Variants in SCN9A observed in about 807,000 individuals in gnomAD.
The protein encoded by SCN9A is sodium channel protein type 9 subunit alpha.
SCN9A carries 131 observed loss-of-function variants against 187.0 expected under a neutral mutation model. The ratio of observed to expected loss-of-function variants is 0.70; its 90% confidence interval spans 0.61 to 0.81. The LOEUF (loss-of-function observed/expected upper bound fraction) is 0.81. SCN9A is among the 30% of genes least tolerant of loss of function. The pLI is 0.00. For synonymous variants in SCN9A, 809 were observed against 808.6 expected (o/e 1.00, Z -0.01); for missense variants, 2,252 against 2,396.6 (o/e 0.94, Z 1.26).
intron 24 of SCN9A, among the ~76,000 whole-genome samples, chr2:166,206,319 G>A (rs1423356198): frequency 6.6e-6 from 1 of 152,132 alleles, no homozygotes; most frequent in African/African-American, 2.4e-5. Flanking sequence ...ATACACCATG[G>A]AATACTATGC....
chr2:166,311,620 G>C lies in SCN9A; in HGVS notation c.137C>G (p.Ala46Gly), dbSNP rs1698962097. ...KEEKKDDDEE[A>G]PKPSSDLEAG... is the part of the protein sequence containing the mutation. Reference sequence around the variant, plus strand: ...TTCCAAGTCACTGCTTGGCTTTGGGGCTTCTTCATCATCATCTTTCTTTTC... The same window carrying C: ...TTCCAAGTCACTGCTTGGCTTTGGGCCTTCTTCATCATCATCTTTCTTTTC... The change falls in exon 2 of 27, where the codon GCC becomes GGC. Residue 46 changes from alanine to glycine, a missense_variant. Ala to Gly is a moderately conservative substitution (Grantham distance 60). Around this residue, in one of 7 missense-constraint regions of SCN9A, gnomAD observed 1,013 missense variants for 997.4 expected, o/e 1.02. Coordinates refer to ENST00000642356, the MANE Select transcript of SCN9A (RefSeq NM_001365536.1). 1.2e-6 allele frequency: 2 copies of C among 1,613,046 alleles called. No individual in the cohort carries two copies. Among genetic ancestry groups the C allele is most frequent in the Admixed American group, 1.7e-5 (1 of 59,902 alleles).
intron 16 of SCN9A, among the ~76,000 whole-genome samples, chr2:166,276,163 A>C (rs1697224971): frequency 6.6e-6 from 1 of 152,142 alleles, no homozygotes; most frequent in Non-Finnish European, 1.5e-5. Flanking sequence ...GGAAGAAAAA[A>C]AATAAAAAAA....
intron 1 of SCN9A, among the ~76,000 whole-genome samples, chr2:166,367,106 A>G: frequency 6.6e-6 from 1 of 152,270 alleles, no homozygotes; most frequent in Admixed American, 6.5e-5. Context: ...TTTATTTTCC[A>G]AGATATATAA....
chr2:166,200,060 C>T (rs916170182), intron 26 of SCN9A, among the ~76,000 whole-genome samples, 196 bp from the exon 27 acceptor site: 4 of 119,412 alleles, frequency 3.3e-5, no homozygotes, highest in African/African-American at 6.5e-5. Flanking sequence ...TGCAGTGGCG[C>T]GATCTCGGCT....
Position 166,226,568 on chromosome 2 carries a change from T to C in SCN9A, c.4397A>G (p.Lys1466Arg). 2 of 1,543,406 alleles carry C rather than the reference T, an allele frequency of 1.3e-6. No homozygotes were observed. The highest frequency in any genetic ancestry group is 1.8e-6 in the Non-Finnish European group (2 of 1,138,010). Residue 1466 changes from lysine (K) to arginine (R), a missense_variant and splice_region_variant, in exon 24 of 27, where the codon AAG (lysine) becomes AGG (arginine). By Grantham distance (26) the Lys-to-Arg change is conservative (BLOSUM62 2). Around this residue, in one of 7 missense-constraint regions of SCN9A, gnomAD observed 368 missense variants for 408.6 expected, o/e 0.90. Transcript: ENST00000642356. Reference sequence around the variant, plus strand: ...ATGAAAAATATTTGAAATACTTATCTTCTTTTTCTGTTGGTTGAAATTATC... The same window carrying C: ...ATGAAAAATATTTGAAATACTTATCCTCTTTTTCTGTTGGTTGAAATTATC... ...IIDNFNQQKK[K>R]LGGQDIFMTE...
At chr2:166,349,406 T>C (rs1699979608) in intron 1 of SCN9A, among the ~76,000 whole-genome samples, 1 of 152,244 alleles carries the variant, frequency 6.6e-6, no homozygotes, top group Admixed American at 6.5e-5. Context: ...TGTAATGAGT[T>C]CTTTTTACTG....
intron 1 of SCN9A, among the ~76,000 whole-genome samples, chr2:166,346,303 T>C (rs182806094): frequency 3.9e-5 from 6 of 152,200 alleles, no homozygotes; most frequent in African/African-American, 1.4e-4. Flanking sequence ...ATAGCAAAGA[T>C]CATAGTATTA....
intron 18 of SCN9A, among the ~76,000 whole-genome samples, chr2:166,249,847 C>A (rs528578493): frequency 6.6e-6 from 1 of 152,086 alleles, no homozygotes; most frequent in Non-Finnish European, 1.5e-5. Context: ...TTCTAGTTAT[C>A]CTAGAATTTT....
At chr2:166,366,943 G>T (rs1001318945) in intron 1 of SCN9A, among the ~76,000 whole-genome samples, 1 of 152,082 alleles carries the variant, frequency 6.6e-6, no homozygotes, top group Non-Finnish European at 1.5e-5. Flanking sequence ...ACCCTTAAAA[G>T]TCAACTTCTT....
chr2:166,353,170 C>G (rs1426885385), intron 1 of SCN9A, among the ~76,000 whole-genome samples: 1 of 145,324 alleles, frequency 6.9e-6, no homozygotes, highest in African/African-American at 2.6e-5. Context: ...GCCTGACCAA[C>G]ATGATGAAAC....
chr2:166,370,272 G>A (rs971566938), intron 1 of SCN9A, among the ~76,000 whole-genome samples: 3 of 144,866 alleles, frequency 2.1e-5, no homozygotes, highest in African/African-American at 7.9e-5. Context: ...GGCTGAGCGC[G>A]GTGGCTCATG....
intron 7 of SCN9A, among the ~76,000 whole-genome samples, chr2:166,295,392 T>C (rs981965178): frequency 1.3e-5 from 2 of 152,202 alleles, no homozygotes; most frequent in African/African-American, 4.8e-5. Flanking sequence ...CGTTTCGTCC[T>C]TGTGCAAACA....
At position 166,375,117 on chromosome 2, in the gene SCN9A, T is replaced by C. The variant is rs146642805; in HGVS notation, c.-51+580A>G. ...ATTCTGCATCTTTTCTGAATTTCAC[T>C]ATAAAGTGCTTATTCGAAAAAATAA... is the stretch of plus-strand genomic sequence containing the variant. On this transcript the variant is annotated intron_variant, in intron 1 of 26. Transcript: ENST00000642356. 3.2e-3 allele frequency among the ~76,000 whole-genome samples: 489 copies of C among 152,336 alleles called. 5 individuals carry two copies. Among genetic ancestry groups the C allele is most frequent in the African/African-American group, 0.011 (467 of 41,566 alleles).
chr2:166,276,489 A>T (rs566343335), intron 16 of SCN9A: 1 of 152,240 alleles, frequency 6.6e-6, no homozygotes, highest in African/African-American at 2.4e-5. Flanking sequence ...AAATGTAAAA[A>T]TCATTCTTAG....
chr2:166,281,921 G>T, intron 12 of SCN9A, 113 bp from the exon 13 acceptor site: 1 of 946,992 alleles, frequency 1.1e-6, no homozygotes, highest in Non-Finnish European at 1.5e-6. Context: ...AGCCTAGATT[G>T]CTGGGTTCAA....
chr2:166,198,873 T>C lies in SCN9A; in HGVS notation c.5766A>G (p.Arg1922=), dbSNP rs371656473. 1 of 1,613,826 alleles carries C rather than the reference T, an allele frequency of 6.2e-7. No individual in the cohort carries two copies. The highest frequency in any genetic ancestry group is 1.3e-5 in the African/African-American group (1 of 75,050). ...CTTTTTTATTGAGTAAATCATCATC[T>C]CTGTCTCCATCTTTTATGTATATAC... The part of the protein sequence containing the change: ...ISSIYIKDGD[R]DDDLLNKKDM... The change falls in exon 27 of 27, where the codon AGA becomes AGG. Residue 1922 remains arginine (R), a synonymous_variant. Transcript: ENST00000642356.
chr2:166,294,075 T>C (rs1311842090), intron 8 of SCN9A, among the ~76,000 whole-genome samples: 3 of 152,064 alleles, frequency 2.0e-5, no homozygotes, highest in African/African-American at 2.4e-5. Flanking sequence ...ATGAAGTTGG[T>C]GTAAGAGAGA....
chr2:166,280,932 A>G lies in SCN9A; in HGVS notation c.2105-337T>C, dbSNP rs912079716. On this transcript the variant is annotated intron_variant, in intron 13 of 26. Transcript: ENST00000642356. ...AAATGTATGTTTTCCACCAATATGC[A>G]TATTTTTCACCTGTGTTTTTAGTCC... Among the ~76,000 whole-genome samples the G allele has an allele frequency of 3.3e-5, 5 of 152,140 alleles. No homozygotes were observed. The East Asian group carries it at 9.6e-4, about 29-fold the overall frequency.
At chr2:166,209,079 A>G (rs969615778) in intron 24 of SCN9A, among the ~76,000 whole-genome samples, 2 of 152,188 alleles carry the variant, frequency 1.3e-5, no homozygotes, top group African/African-American at 2.4e-5. Flanking sequence ...ACATAGGAAA[A>G]GGGGACGGTA....
Sources: gnomAD v4.1 joint callset for allele counts (sites outside exome capture counted in the v4.1 genomes callset) on GRCh38, gnomAD v4.1.1 for gene constraint, gnomAD v4.1.1 regional missense constraint, MANE v1.5 for transcripts, NCBI Gene and HGNC (gene_info 2026-07-23, HGNC 2026-07-21) for gene names.